Variants in COL27A1 observed in about 807,000 individuals in gnomAD.
COL27A1 encodes the protein collagen type XXVII alpha 1 chain.
Under a neutral mutation model 251.3 loss-of-function variants are expected in COL27A1, and 106 were observed. That is an observed-to-expected ratio of 0.42 (90% confidence interval 0.36 to 0.50). COL27A1 has a LOEUF of 0.50. Ranked by LOEUF, COL27A1 falls within the 20% of genes least tolerant of loss-of-function variation. COL27A1 has a pLI of 0.00. For synonymous variants in COL27A1, 1,000 were observed against 986.3 expected, an observed-to-expected ratio of 1.01 and a Z score of -0.26; for missense variants, 2,325 against 2,522.8, an observed-to-expected ratio of 0.92 and a Z score of 1.68.
At chr9:114,181,633 C>T (rs976261017) in intron 4 of COL27A1, among the ~76,000 whole-genome samples, 20 of 152,344 alleles carry the variant, frequency 1.3e-4, no homozygotes, top group African/African-American at 3.8e-4. Context: ...GACAAAAACC[C>T]TCAAGTATTC....
At chr9:114,247,275 C>T (rs1381976056) in intron 24 of COL27A1, among the ~76,000 whole-genome samples, 1 of 152,172 alleles carries the variant, frequency 6.6e-6, no homozygotes, top group Non-Finnish European at 1.5e-5. Flanking sequence ...GAGATCTCTG[C>T]AGCAATGATT....
intron 28 of COL27A1, among the ~76,000 whole-genome samples, chr9:114,260,045 C>A (rs967788805): frequency 6.6e-6 from 1 of 152,080 alleles, no homozygotes; most frequent in Non-Finnish European, 1.5e-5. Flanking sequence ...AGCCAGGCTC[C>A]ATCCGGATCC....
intron 14 of COL27A1, 35 bp from the exon 15 acceptor site, chr9:114,231,044 G>T: frequency 6.2e-7 from 1 of 1,604,200 alleles, no homozygotes; most frequent in Non-Finnish European, 8.5e-7. Context: ...GTGGGCCACT[G>T]CTCACAGCAC....
chr9:114,221,338 A>G (rs1831095524), intron 13 of COL27A1, among the ~76,000 whole-genome samples: 1 of 152,174 alleles, frequency 6.6e-6, no homozygotes, highest in Non-Finnish European at 1.5e-5. Context: ...TCAATACAGC[A>G]TTTGTTAGAT....
intron 24 of COL27A1, among the ~76,000 whole-genome samples, chr9:114,247,503 C>T (rs1434904712): frequency 6.6e-6 from 1 of 152,232 alleles, no homozygotes; most frequent in East Asian, 1.9e-4. Flanking sequence ...AGATTCTAGT[C>T]CATGTTGGCA....
At chr9:114,292,303 A>G in intron 49 of COL27A1, 93 bp downstream of exon 49, 1 of 947,252 alleles carries the variant, frequency 1.1e-6, no homozygotes, top group Non-Finnish European at 1.6e-6. Flanking sequence ...ACACTCATAC[A>G]CACACACAAA....
intron 28 of COL27A1, among the ~76,000 whole-genome samples, chr9:114,262,285 T>G (rs1390115918): frequency 6.6e-6 from 1 of 152,200 alleles, no homozygotes. Flanking sequence ...AGAGAGGAGA[T>G]GGGGCTTTTC....
intron 26 of COL27A1, 72 bp downstream of exon 26, chr9:114,252,718 GA>G: frequency 6.8e-7 from 1 of 1,478,788 alleles, no homozygotes; most frequent in Non-Finnish European, 9.5e-7. Flanking sequence ...TCTCCTCCAT[GA>G]ACCGCTTACC....
intron 19 of COL27A1, among the ~76,000 whole-genome samples, chr9:114,238,596 A>G (rs1832554689): frequency 6.6e-6 from 1 of 152,238 alleles, no homozygotes; most frequent in Non-Finnish European, 1.5e-5. Flanking sequence ...AATGTTTCCT[A>G]AAAGCTACAA....
intron 7 of COL27A1, among the ~76,000 whole-genome samples, chr9:114,198,696 GCTGCCTGCCCGAGAAGGTTTGTTTCT>G (rs1467331451): frequency 1.3e-5 from 2 of 152,188 alleles, no homozygotes; most frequent in African/African-American, 2.4e-5. Context: ...AAAAAAAGAG[GCTGCCTGCCCGAGAAGGTTTGTTTCT>G]CTGCCACCGC....
chr9:114,266,642 G>A (rs760572093), intron 33 of COL27A1, 24 bp downstream of exon 33: 12 of 1,604,888 alleles, frequency 7.5e-6, no homozygotes, highest in East Asian at 4.5e-5. Context: ...ACCCTTATTC[G>A]TCCCATGATG....
chr9:114,310,417 A>G lies in COL27A1; in HGVS notation c.5437-132A>G, dbSNP rs568829124. 10 of 911,294 alleles carry G rather than the reference A, an allele frequency of 1.1e-5. No homozygotes were observed. The East Asian group carries it at 2.5e-4, about 23-fold the overall frequency. The allele number at this position is 911,294 out of a possible 1,614,324, so 56.5% of individuals were successfully genotyped here. ...AGAGTGGAAGCAATCTAAATGTGCC[A>G]TATAGGTCATTGCTACAATGAAATA... is the stretch of plus-strand genomic sequence containing the variant. On this transcript the variant is annotated intron_variant, in intron 60 of 60. Coordinates refer to ENST00000356083, the MANE Select transcript of COL27A1 (RefSeq NM_032888.4).
At chr9:114,179,768 G>A (rs1162583517) in intron 4 of COL27A1, among the ~76,000 whole-genome samples, 1 of 149,300 alleles carries the variant, frequency 6.7e-6, no homozygotes, top group African/African-American at 2.5e-5. Flanking sequence ...TTCAGATAAA[G>A]TCAAAGAGAG....
intron 10 of COL27A1, 124 bp downstream of exon 10, chr9:114,206,420 C>G (rs1165882277): frequency 2.1e-6 from 2 of 959,352 alleles, no homozygotes; most frequent in East Asian, 5.2e-5. Context: ...TTGAGTGCTC[C>G]CGGACAACAG....
intron 23 of COL27A1, among the ~76,000 whole-genome samples, chr9:114,245,148 GTT>G (rs779029948): frequency 0.4 from 39,743 of 100,164 alleles, 6,512 homozygotes; most frequent in Middle Eastern, 0.44. Flanking sequence ...GTGCATTCTT[GTT>G]TTTTTTTTTT....
rs563576846 is a variant in COL27A1 at position 114,226,068 on chromosome 9, C to T, written c.2466+3801C>T. 1.6e-4 allele frequency among the ~76,000 whole-genome samples: 24 copies of T among 151,930 alleles called. No individual in the cohort carries two copies. The South Asian group carries it at 3.9e-3, about 25-fold the overall frequency. ...TGAGTAACTGAAACCCTTTGGCAGG[C>T]CCTCAAGAAAACTGTGCCTGATTCC... On this transcript the variant is annotated intron_variant, in intron 14 of 60. Transcript: ENST00000356083.
intron 15 of COL27A1, 118 bp from the exon 16 acceptor site, chr9:114,231,704 G>A (rs1219888005): frequency 5.0e-5 from 49 of 989,524 alleles, no homozygotes; most frequent in Non-Finnish European, 7.2e-5. Context: ...TTACAGATGT[G>A]AACACTGAGG....
chr9:114,169,124 C>G lies in COL27A1; in HGVS notation c.1569C>G (p.Val523=). Residue 523 remains valine, a synonymous_variant, in exon 3 of 61, where the codon GTC becomes GTG. Transcript: ENST00000356083. ...GCACTCCCAGAACAGCACCTGCCGT[C>G]CCCACTCCTGGCTCAGCTCCCACTG... ...GTSTPRTAPA[V]PTPGSAPTGS... 3 of 1,614,176 alleles carry G rather than the reference C, an allele frequency of 1.9e-6. No individual in the cohort carries two copies. Among genetic ancestry groups the G allele is most frequent in the Non-Finnish European group, 2.5e-6 (3 of 1,180,036 alleles).
intron 2 of COL27A1, among the ~76,000 whole-genome samples, chr9:114,163,409 A>C (rs1486666860): frequency 6.6e-6 from 1 of 151,970 alleles, no homozygotes; most frequent in Non-Finnish European, 1.5e-5. Flanking sequence ...CTGCTAAAAA[A>C]AAAAAAAAGG....
Sources: allele counts gnomAD v4.1 joint callset (sites outside exome capture counted in the v4.1 genomes callset), GRCh38; gene constraint gnomAD v4.1.1; transcripts MANE v1.5; gene names NCBI Gene and HGNC (gene_info 2026-07-23, HGNC 2026-07-21).